CNTNAP2: variants seen among roughly 807,000 people sequenced by gnomAD.
CNTNAP2 encodes the protein contactin-associated protein-like 2.
CNTNAP2 carries 98 observed loss-of-function variants against 155.2 expected under a neutral mutation model. That is an observed-to-expected ratio of 0.63 (90% CI 0.54 to 0.75). CNTNAP2 has a LOEUF of 0.75. Among genes scored for constraint, CNTNAP2 ranks in the 30% least tolerant of loss-of-function variants. The pLI is 0.00. For synonymous variants in CNTNAP2, 651 were observed against 631.2 expected (o/e 1.03, Z -0.47); for missense variants, 1,727 against 1,688.1 (o/e 1.02, Z -0.40).
chr7:146,181,933 TG>T (rs1798555182), intron 1 of CNTNAP2, among the ~76,000 whole-genome samples: 1 of 152,162 alleles, frequency 6.6e-6, no homozygotes, highest in Non-Finnish European at 1.5e-5. Context: ...CTTATGTTGA[TG>T]TGCAGGCTCA....
chr7:146,930,664 T>C lies in CNTNAP2; in HGVS notation c.402+90760T>C, dbSNP rs1459152505. Among the ~76,000 whole-genome samples, 272 of 152,242 alleles carry C rather than the reference T, an allele frequency of 1.8e-3. 3 individuals are homozygous for C. The highest frequency in any genetic ancestry group is 5.8e-3 in the African/African-American group (242 of 41,520). On this transcript the variant is annotated intron_variant, in intron 3 of 23. Coordinates refer to ENST00000361727, the MANE Select transcript of CNTNAP2 (RefSeq NM_014141.6). ...GCAAATTGGATAAAGAGTCAAGACT[T>C]ATCAGTGTGCTGTATTCAGGAAACC...
chr7:146,151,698 G>A (rs113317233), intron 1 of CNTNAP2, among the ~76,000 whole-genome samples: 3,168 of 71,768 alleles, frequency 0.044, 52 homozygotes, highest in East Asian at 0.069. Context: ...ATATATATAT[G>A]TATATATATA....
At chr7:146,833,533 G>A (rs1803556171) in intron 2 of CNTNAP2, among the ~76,000 whole-genome samples, 1 of 152,148 alleles carries the variant, frequency 6.6e-6, no homozygotes, top group Non-Finnish European at 1.5e-5. Flanking sequence ...AGGGAATCAT[G>A]TGTCTAGTCA....
chr7:147,841,288 G>T (rs902605193), intron 13 of CNTNAP2, among the ~76,000 whole-genome samples: 1 of 152,190 alleles, frequency 6.6e-6, no homozygotes, highest in African/African-American at 2.4e-5. Flanking sequence ...CTTTGACAGT[G>T]TTGAGAGAGG....
chr7:147,068,556 A>G (rs934919204), intron 4 of CNTNAP2, among the ~76,000 whole-genome samples: 2 of 152,146 alleles, frequency 1.3e-5, no homozygotes, highest in Admixed American at 6.6e-5. Context: ...ATGGGGTTTC[A>G]CCATGTTGAC....
At position 146,951,318 on chromosome 7, in the gene CNTNAP2, T is replaced by G. The variant is rs562192919; in HGVS notation, c.403-92589T>G. 4.6e-5 allele frequency among the ~76,000 whole-genome samples: 7 copies of G among 152,344 alleles called. No individual in the cohort carries two copies. In the East Asian group the frequency reaches 1.2e-3, roughly 25 times the overall value. On this transcript the variant is annotated intron_variant, in intron 3 of 23. Transcript: ENST00000361727. ...GTTTAATTAGATCCCATTTGTCAAT[T>G]TTGGCTTTTGTGGCCATTGCTTTTG... is the stretch of plus-strand genomic sequence containing the variant.
rs193100503 is a variant in CNTNAP2 at position 146,707,654 on chromosome 7, A to T, written c.98-66617A>T. 2.0e-5 allele frequency among the ~76,000 whole-genome samples: 3 copies of T among 152,204 alleles called. No homozygotes were observed. In the East Asian group the frequency reaches 5.8e-4, roughly 29 times the overall value. On this transcript the variant is annotated intron_variant, in intron 1 of 23. Coordinates refer to ENST00000361727, the MANE Select transcript of CNTNAP2 (RefSeq NM_014141.6). Reference sequence around the variant, plus strand: ...CCTTGCTCTTTAAATTTTTAGTTCAACATGACCTTTGAAATGGTCAAGCTT... The same window carrying T: ...CCTTGCTCTTTAAATTTTTAGTTCATCATGACCTTTGAAATGGTCAAGCTT...
chr7:148,316,915 T>C (rs1797699999), intron 21 of CNTNAP2, among the ~76,000 whole-genome samples: 1 of 152,200 alleles, frequency 6.6e-6, no homozygotes, highest in African/African-American at 2.4e-5. Context: ...TCCCAATCCA[T>C]TTATCTGGAA....
chr7:147,978,742 T>G (rs1486701335), intron 15 of CNTNAP2, among the ~76,000 whole-genome samples: 4 of 152,122 alleles, frequency 2.6e-5, no homozygotes, highest in African/African-American at 9.7e-5. Context: ...TCTCTCTTCT[T>G]TCTGGGACAC....
At chr7:147,824,317 G>A (rs1248768058) in intron 13 of CNTNAP2, among the ~76,000 whole-genome samples, 1 of 152,156 alleles carries the variant, frequency 6.6e-6, no homozygotes, top group Non-Finnish European at 1.5e-5. Context: ...TCTGTAAGAT[G>A]TGGACCCAGA....
At chr7:146,709,665 C>T (rs1349671968) in intron 1 of CNTNAP2, among the ~76,000 whole-genome samples, 1 of 152,126 alleles carries the variant, frequency 6.6e-6, no homozygotes, top group Admixed American at 6.5e-5. Flanking sequence ...GTCTGGATGT[C>T]TCCAGCTTGT....
intron 1 of CNTNAP2, among the ~76,000 whole-genome samples, chr7:146,721,348 T>A (rs1801304118): frequency 7.6e-6 from 1 of 131,760 alleles, no homozygotes; most frequent in Non-Finnish European, 1.5e-5. Flanking sequence ...ACATTCTATA[T>A]ATACATTCTA....
intron 1 of CNTNAP2, among the ~76,000 whole-genome samples, chr7:146,444,652 C>T (rs1004067256): frequency 2.7e-5 from 4 of 148,800 alleles, no homozygotes; most frequent in Non-Finnish European, 5.9e-5. Flanking sequence ...ATCCATAGAT[C>T]CTCTCTCTCT....
At chr7:147,122,438 CA>C (rs1801139141) in intron 6 of CNTNAP2, 1 of 152,136 alleles carries the variant, frequency 6.6e-6, no homozygotes, top group Non-Finnish European at 1.5e-5. Context: ...GAAATAAACA[CA>C]AAATAAAAGT....
intron 3 of CNTNAP2, among the ~76,000 whole-genome samples, chr7:146,904,757 C>A (rs938375960): frequency 1.3e-4 from 20 of 152,288 alleles, no homozygotes; most frequent in Middle Eastern, 3.4e-3. Context: ...AGGCGTGAGC[C>A]ACCGCGTCCG....
At chr7:147,669,423 A>G (rs960644745) in intron 13 of CNTNAP2, among the ~76,000 whole-genome samples, 3 of 152,232 alleles carry the variant, frequency 2.0e-5, no homozygotes, top group Admixed American at 6.5e-5. Flanking sequence ...TTTTCTTAAA[A>G]TAAGTCCCAA....
chr7:148,277,829 C>A (rs1365556397), intron 21 of CNTNAP2, among the ~76,000 whole-genome samples: 3 of 146,902 alleles, frequency 2.0e-5, no homozygotes, highest in Non-Finnish European at 1.5e-5. Context: ...TTACTTCCTA[C>A]AAAAAAAAAA....
At chr7:147,740,923 G>A (rs74647256) in intron 13 of CNTNAP2, among the ~76,000 whole-genome samples, 4,688 of 151,574 alleles carry the variant, frequency 0.031, 233 homozygotes, top group African/African-American at 0.11. Flanking sequence ...CAGTCCCTCA[G>A]GTGTCCTCAG....
rs914674881 is a variant in CNTNAP2, at chr7:147,781,971, G to A, written c.2099-121594G>A. 2.6e-5 allele frequency among the ~76,000 whole-genome samples: 4 copies of A among 151,618 alleles called. No homozygotes were observed. In the East Asian group the frequency reaches 5.8e-4, roughly 22 times the overall value. On this transcript the variant is annotated intron_variant, in intron 13 of 23. Coordinates refer to ENST00000361727, the MANE Select transcript of CNTNAP2 (RefSeq NM_014141.6). ...CCAGGAGGCGAAGCTTGCAGTGAGC[G>A]GAGACAGCGCCACTGCACTCCAGCC...
Sources: allele counts gnomAD v4.1 joint callset (sites outside exome capture counted in the v4.1 genomes callset), GRCh38; gene constraint gnomAD v4.1.1; transcripts MANE v1.5; gene names NCBI Gene and HGNC (gene_info 2026-07-23, HGNC 2026-07-21).